Variants in POLI observed in about 807,000 individuals in gnomAD.
The protein encoded by POLI is DNA polymerase iota.
POLI carries 58 observed loss-of-function variants against 51.6 expected under a neutral mutation model. The observed-to-expected ratio is 1.12, with a 90% CI of 0.91 to 1.40. The LOEUF is 1.40. POLI is among the 40% of genes most tolerant of loss of function. The pLI is 0.00. For missense variants in POLI, 921 were observed against 871.3 expected (o/e 1.06, Z -0.72); for synonymous variants, 322 against 299.7 (o/e 1.07, Z -0.77).
intron 3 of POLI, among the ~76,000 whole-genome samples, chr18:54,308,036 A>G (rs528311565): frequency 1.3e-5 from 2 of 151,992 alleles, no homozygotes; most frequent in Non-Finnish European, 2.9e-5. Flanking sequence ...CTCTTTATCC[A>G]ATTTGCCAGT....
chr18:54,316,061 A>G (rs1008383013), intron 3 of POLI, among the ~76,000 whole-genome samples: 11 of 152,026 alleles, frequency 7.2e-5, no homozygotes, highest in African/African-American at 1.4e-4. Context: ...GACTACAGGC[A>G]TGTACCACCA....
intron 1 of POLI, 33 bp downstream of exon 1, chr18:54,269,694 T>G (rs1190469926): frequency 1.3e-6 from 2 of 1,483,286 alleles, no homozygotes. Flanking sequence ...AGCGGCCTCC[T>G]TGGGTGTAAA....
At chr18:54,279,958 A>T (rs776200747) in intron 4 of POLI, among the ~76,000 whole-genome samples, 1 of 152,170 alleles carries the variant, frequency 6.6e-6, no homozygotes, top group Non-Finnish European at 1.5e-5. Context: ...TGCCAATGTC[A>T]GTAGGAATTT....
At chr18:54,304,988 A>C (rs1214203177) in intron 3 of POLI, among the ~76,000 whole-genome samples, 1 of 152,210 alleles carries the variant, frequency 6.6e-6, no homozygotes, top group African/African-American at 2.4e-5. Context: ...ATGGCTAGCC[A>C]GTTTTCTCAG....
Position 54,293,800 on chromosome 18 carries a change from C to T in POLI, c.1556C>T (p.Pro519Leu). ...FSKEKDINEF[P>L]LCSLPEGVDQ... ...AAAGAAAAAGACATTAATGAATTCC[C>T]ACTCTGTTCACTTCCTGAAGGTGTT... Residue 519 changes from proline to leucine, a missense_variant, in exon 10 of 10, where the codon CCA becomes CTA. Transcript: ENST00000579534. The T allele has an allele frequency of 1.2e-6, 2 of 1,607,384 alleles. No homozygotes were observed. Among genetic ancestry groups the T allele is most frequent in the Non-Finnish European group, 1.7e-6 (2 of 1,176,292 alleles).
At position 54,297,801 on chromosome 18, in the gene POLI, A is replaced by G; in HGVS notation, c.*3334A>G. The G allele has an allele frequency of 2.1e-6, 2 of 959,738 alleles. No homozygotes were observed. The highest frequency in any genetic ancestry group is 2.5e-6 in the Non-Finnish European group (2 of 806,498). 59.5% of individuals were successfully genotyped at this position (959,738 alleles called of 1,614,324 possible). ...TTAAATTCCACAAGTTCTTTATTAA[A>G]TCTCCAAATTGGATATTATTAGTAT... On this transcript the variant is annotated 3_prime_UTR_variant, in exon 10 of 10. Transcript: ENST00000579534.
In POLI at chr18:54,297,787, A is replaced by C; in HGVS notation, c.*3320A>C. ...AACATTAATTCTAATTAAATTCCAC[A>C]AGTTCTTTATTAAATCTCCAAATTG... On this transcript the variant is annotated 3_prime_UTR_variant, in exon 10 of 10. Coordinates refer to ENST00000579534, the MANE Select transcript of POLI (RefSeq NM_007195.3). The C allele has an allele frequency of 4.2e-6, 4 of 959,426 alleles. No individual in the cohort carries two copies. The highest frequency in any genetic ancestry group is 5.0e-6 in the Non-Finnish European group (4 of 806,176). The allele number at this position is 959,426 out of a possible 1,614,324, so 59.4% of individuals were successfully genotyped here.
downstream of POLI, among the ~76,000 whole-genome samples, chr18:54,301,393 A>T (rs2088487773): frequency 6.6e-6 from 1 of 152,228 alleles, no homozygotes; most frequent in Admixed American, 6.5e-5. Flanking sequence ...TTTATACAAA[A>T]GTCCACACAA....
chr18:54,306,768 T>G (rs2088593004), intron 3 of POLI, among the ~76,000 whole-genome samples: 1 of 152,234 alleles, frequency 6.6e-6, no homozygotes, highest in African/African-American at 2.4e-5. Flanking sequence ...TATTGGTCTA[T>G]TCAGCAATTC....
Position 54,294,643 on chromosome 18 carries a change from CAGA to C in POLI, c.*181_*183del, listed in dbSNP as rs921620113. The stretch of plus-strand genomic sequence containing the variant: ...TCTGGCACAAAGCGTAAAAATATAA[CAGA>C]AGAAATAATGTAAAATACTATCTTT... On this transcript the variant is annotated 3_prime_UTR_variant, in exon 10 of 10. Transcript: ENST00000579534. The C allele has an allele frequency of 4.2e-5, 54 of 1,274,176 alleles. No homozygotes were observed. Among genetic ancestry groups the C allele is most frequent in the Non-Finnish European group, 5.0e-5 (51 of 1,011,812 alleles). 78.9% of individuals were successfully genotyped at this position (1,274,176 alleles called of 1,614,324 possible). A position where few individuals can be genotyped will look rare whatever the true frequency, so the allele number is the denominator to read the frequency against.
In POLI at chr18:54,293,767, A is replaced by T. The variant is rs2088143774; in HGVS notation, c.1523A>T (p.Asn508Ile). 3 of 1,605,388 alleles carry T rather than the reference A, an allele frequency of 1.9e-6. No homozygotes were observed. Among genetic ancestry groups the T allele is most frequent in the East Asian group, 2.2e-5 (1 of 44,644 alleles). ...AGGGAGTCTCCACTAGATACCACAA[A>T]TTTTTCTAAAGAAAAAGACATTAAT... ...RTRESPLDTT[N>I]FSKEKDINEF... is the part of the protein sequence containing the mutation. The change falls in exon 10 of 10, where the codon AAT becomes ATT. Residue 508 changes from asparagine to isoleucine, a missense_variant. Asn to Ile is a moderately radical substitution (Grantham distance 149). Transcript: ENST00000579534.
chr18:54,281,251 CTT>C (rs1446402237), intron 5 of POLI, among the ~76,000 whole-genome samples: 2 of 152,106 alleles, frequency 1.3e-5, no homozygotes, highest in African/African-American at 4.8e-5. Flanking sequence ...GGGAGTTCGT[CTT>C]TTACTAACTC....
chr18:54,278,608 C>G (rs778857832), intron 4 of POLI, among the ~76,000 whole-genome samples: 1 of 152,216 alleles, frequency 6.6e-6, no homozygotes, highest in Non-Finnish European at 1.5e-5. Flanking sequence ...CCTATTTAAT[C>G]TGTTCAAATA....
intron 2 of POLI, among the ~76,000 whole-genome samples, chr18:54,273,647 T>C (rs1038903413): frequency 2.0e-5 from 3 of 148,508 alleles, no homozygotes; most frequent in Non-Finnish European, 4.4e-5. Context: ...TAACTTTCCT[T>C]CTTCAAGGAG....
Position 54,319,811 on chromosome 18 carries a change from A to G in POLI, c.334-462A>G, listed in dbSNP as rs141859083. Reference sequence around the variant, plus strand: ...TTTAATTTGTTTGCTATTATTATTTACATTTTACCTTAAATAGGAGACAAG... The same window carrying G: ...TTTAATTTGTTTGCTATTATTATTTGCATTTTACCTTAAATAGGAGACAAG... On this transcript the variant is annotated intron_variant, in intron 3 of 4. Coordinates refer to the POLI transcript ENST00000579823. 5.8e-3 allele frequency among the ~76,000 whole-genome samples: 882 copies of G among 152,302 alleles called. 8 individuals are homozygous for G. Among genetic ancestry groups the G allele is most frequent in the African/African-American group, 0.019 (794 of 41,574 alleles).
chr18:54,306,872 A>G (rs887834561), intron 3 of POLI, among the ~76,000 whole-genome samples: 1 of 152,114 alleles, frequency 6.6e-6, no homozygotes, highest in Non-Finnish European at 1.5e-5. Flanking sequence ...AGAGGTGTTT[A>G]TAGTATTCTC....
intron 8 of POLI, among the ~76,000 whole-genome samples, chr18:54,289,756 A>G (rs927021968): frequency 4.6e-5 from 7 of 152,200 alleles, no homozygotes; most frequent in South Asian, 2.1e-4. Flanking sequence ...AAATGGTGCT[A>G]GGAAAACTGG....
intron 2 of POLI, 123 bp from the exon 3 acceptor site, chr18:54,273,801 CAG>C (rs1391956952): frequency 1.6e-5 from 8 of 489,784 alleles, no homozygotes; most frequent in Non-Finnish European, 2.4e-5. Flanking sequence ...TTAATTGAGA[CAG>C]GGCTTTTGAT....
chr18:54,295,455 A>C lies in POLI; in HGVS notation c.*988A>C, dbSNP rs11083048. 2.1e-6 allele frequency: 2 copies of C among 971,288 alleles called. No individual in the cohort carries two copies. The highest frequency in any genetic ancestry group is 2.3e-4 in the East Asian group (2 of 8,760). The allele number at this position is 971,288 out of a possible 1,614,324, so 60.2% of individuals were successfully genotyped here. ...TTATATAATTTGCAAGACATAGAGG[A>C]TGTTTATAGAATATACTAAAGTATC... On this transcript the variant is annotated 3_prime_UTR_variant, in exon 10 of 10. Coordinates refer to ENST00000579534, the MANE Select transcript of POLI (RefSeq NM_007195.3).
Sources: allele counts gnomAD v4.1 joint callset (sites outside exome capture counted in the v4.1 genomes callset), GRCh38; gene constraint gnomAD v4.1.1; transcripts MANE v1.5; gene names NCBI Gene and HGNC (gene_info 2026-07-23, HGNC 2026-07-21).